The following GLIPR1 variants were observed in gnomAD, a reference collection of about 807,000 sequenced individuals.
GLIPR1 encodes GLI pathogenesis related 1.
Under a neutral mutation model 30.3 loss-of-function variants are expected in GLIPR1, and 38 were observed. The ratio of observed to expected loss-of-function variants is 1.26; its 90% CI spans 0.97 to 1.65. GLIPR1 has a LOEUF of 1.65. Among genes scored for constraint, GLIPR1 ranks in the 40% most tolerant of loss-of-function variants. The probability of loss-of-function intolerance (pLI) is 0.00; values close to 1 mark genes in which losing one functional copy is unlikely to be tolerated. For missense variants in GLIPR1, 285 were observed against 326.5 expected, an observed-to-expected ratio of 0.87 and a Z score of 0.98; for synonymous variants, 122 against 110.6, an observed-to-expected ratio of 1.10 and a Z score of -0.65.
rs2046394211 is a variant in GLIPR1, at chr12:75,501,561, A to T, written c.*2583A>T. On this transcript the variant is annotated 3_prime_UTR_variant, in exon 6 of 6. Transcript: ENST00000266659. The stretch of plus-strand genomic sequence containing the variant: ...AATAGGCATTAGCTGCCTCTAAATT[A>T]TAAATTATCTCAGCCATCCCTTGTC... 1 of 587,632 alleles carries T rather than the reference A, an allele frequency of 1.7e-6. No homozygotes were observed. Among genetic ancestry groups the T allele is most frequent in the South Asian group, 2.3e-5 (1 of 43,908 alleles). 36.4% of individuals were successfully genotyped at this position (587,632 alleles called of 1,614,324 possible). A position where few individuals can be genotyped will look rare whatever the true frequency, so the allele number is the denominator to read the frequency against.
chr12:75,498,666 T>C lies in GLIPR1; in HGVS notation c.620-28T>C, dbSNP rs765304088. 6.9e-6 allele frequency: 11 copies of C among 1,596,896 alleles called. No homozygotes were observed. The African/African-American group carries it at 1.5e-4, about 21-fold the overall frequency. ...TCAACTGTGTCTACCCTTTTAATTTTTTTTCTTTCTTCCCCCTAACTTTAC... is the reference window on the plus strand; with the variant it reads ...TCAACTGTGTCTACCCTTTTAATTTCTTTTCTTTCTTCCCCCTAACTTTAC... On this transcript the variant is annotated intron_variant, in intron 4 of 5. Transcript: ENST00000266659.
chr12:75,487,420 A>AGGAT (rs1331825564), intron 2 of GLIPR1, among the ~76,000 whole-genome samples: 1 of 152,264 alleles, frequency 6.6e-6, no homozygotes, highest in Non-Finnish European at 1.5e-5. Context: ...AACAACCCTT[A>AGGAT]TAAAACTGGG....
At chr12:75,482,908 G>A (rs1346948050) in intron 2 of GLIPR1, among the ~76,000 whole-genome samples, 4 of 151,854 alleles carry the variant, frequency 2.6e-5, no homozygotes, top group Non-Finnish European at 4.4e-5. Flanking sequence ...AATAACGTAC[G>A]GTACTTAACC....
chr12:75,486,316 T>TA (rs57214608), intron 2 of GLIPR1, among the ~76,000 whole-genome samples: 183 of 149,468 alleles, frequency 1.2e-3, no homozygotes, highest in Middle Eastern at 3.5e-3. Context: ...ACCTGCCTGA[T>TA]AAAAAAAAAA....
chr12:75,498,939 G>T lies in GLIPR1; in HGVS notation c.762G>T (p.Leu254Phe), dbSNP rs143283114. The T allele has an allele frequency of 1.9e-6, 3 of 1,608,364 alleles. No individual in the cohort carries two copies. Among genetic ancestry groups the T allele is most frequent in the Non-Finnish European group, 1.7e-6 (2 of 1,176,900 alleles). The change falls in exon 6 of 6, where the codon TTG becomes TTT. Residue 254 changes from leucine to phenylalanine, a missense_variant. By Grantham distance (22) the Leu-to-Phe change is conservative (BLOSUM62 0). Transcript: ENST00000266659. ...ILILSVIITI[L>F]VQHKYPNLVL... ...TACTGTCTGTTATAATTACCATTTT[G>T]GTACAGCACAAGTACCCTAATTTAG...
At position 75,499,786 on chromosome 12, in the gene GLIPR1, C is replaced by A; in HGVS notation, c.*808C>A. ...AAATCCTTTACAAAAGGAGATAGTTCTAGTCAAGGAGTTTTGGGTATGTTA... is the reference window on the plus strand; with the variant it reads ...AAATCCTTTACAAAAGGAGATAGTTATAGTCAAGGAGTTTTGGGTATGTTA... On this transcript the variant is annotated 3_prime_UTR_variant, in exon 6 of 6. Transcript: ENST00000266659. The A allele has an allele frequency of 6.4e-7, 1 of 1,563,246 alleles. No individual in the cohort carries two copies. The highest frequency in any genetic ancestry group is 1.2e-5 in the South Asian group (1 of 84,182).
intron 4 of GLIPR1, 160 bp downstream of exon 4, chr12:75,495,822 T>C: frequency 2.2e-6 from 1 of 450,174 alleles, no homozygotes; most frequent in South Asian, 5.4e-5. Flanking sequence ...AGGAATACAT[T>C]TAAGAGAAAT....
chr12:75,499,608 T>A lies in GLIPR1; in HGVS notation c.*630T>A, dbSNP rs1056905. The A allele has an allele frequency of 0.91, 300,106 of 330,988 alleles. 136,361 individuals are homozygous for A. Among genetic ancestry groups the A allele is most frequent in the East Asian group, 1 (17,661 of 17,690 alleles). 20.5% of individuals were successfully genotyped at this position (330,988 alleles called of 1,614,324 possible). ...CAATGGTCGTAATGTATACAAAGAC[T>A]TATATACCACTTTCTCGTATAAATT... On this transcript the variant is annotated 3_prime_UTR_variant, in exon 6 of 6. Coordinates refer to ENST00000266659, the MANE Select transcript of GLIPR1 (RefSeq NM_006851.3).
chr12:75,494,678 G>C (rs1481541737), intron 3 of GLIPR1: 1 of 152,134 alleles, frequency 6.6e-6, no homozygotes, highest in Non-Finnish European at 1.5e-5. Flanking sequence ...ACACAAAAAA[G>C]TTTAGAACTT....
At position 75,503,248 on chromosome 12, in the gene GLIPR1, G is replaced by A. The variant is rs1438595100; in HGVS notation, c.*4270G>A. The A allele has an allele frequency of 6.6e-6, 1 of 152,150 alleles. No individual in the cohort carries two copies. The highest frequency in any genetic ancestry group is 1.5e-5 in the Non-Finnish European group (1 of 67,944). The allele number at this position is 152,150 out of a possible 1,614,324, so 9.4% of individuals were successfully genotyped here. A position where few individuals can be genotyped will look rare whatever the true frequency, so the allele number is the denominator to read the frequency against. On this transcript the variant is annotated 3_prime_UTR_variant, in exon 6 of 6. Transcript: ENST00000266659. ...ATGCAATGTCATATGCTAAACATGGGAGGGCACTGAGAGAATTAAGAGGAA... is the reference window on the plus strand; with the variant it reads ...ATGCAATGTCATATGCTAAACATGGAAGGGCACTGAGAGAATTAAGAGGAA...
intron 2 of GLIPR1, among the ~76,000 whole-genome samples, chr12:75,482,702 C>T (rs2046276804): frequency 6.7e-6 from 1 of 149,700 alleles, no homozygotes; most frequent in African/African-American, 2.5e-5. Context: ...ACATTCAGAG[C>T]CACCCATTGA....
chr12:75,498,592 G>GC (rs1204913696), intron 4 of GLIPR1, 102 bp from the exon 5 acceptor site: 1 of 889,704 alleles, frequency 1.1e-6, no homozygotes, highest in Non-Finnish European at 1.8e-6. Flanking sequence ...TAAAGCCAAA[G>GC]CAAGTTAATG....
chr12:75,499,761 AAATCCTTTACAAAAGGAGAT>A lies in GLIPR1; in HGVS notation c.*785_*804del. On this transcript the variant is annotated 3_prime_UTR_variant, in exon 6 of 6. Transcript: ENST00000266659. ...AAGGCAACTAATGCCTGATATCTCA[AAATCCTTTACAAAAGGAGAT>A]AGTTCTAGTCAAGGAGTTTTGGGTA... 6.8e-7 allele frequency: 1 copy of A among 1,476,664 alleles called. No homozygotes were observed. Among genetic ancestry groups the A allele is most frequent in the Non-Finnish European group, 9.1e-7 (1 of 1,103,660 alleles). 91.5% of individuals were successfully genotyped at this position (1,476,664 alleles called of 1,614,324 possible).
intron 3 of GLIPR1, chr12:75,493,413 T>A (rs1480422328): frequency 6.6e-6 from 1 of 152,098 alleles, no homozygotes; most frequent in African/African-American, 2.4e-5. Flanking sequence ...CAGAATGGGG[T>A]CTGGGATGCT....
In GLIPR1 at chr12:75,502,208, A is replaced by C; in HGVS notation, c.*3230A>C. 1 of 493,814 alleles carries C rather than the reference A, an allele frequency of 2.0e-6. No homozygotes were observed. Among genetic ancestry groups the C allele is most frequent in the South Asian group, 2.9e-5 (1 of 34,946 alleles). 30.6% of individuals were successfully genotyped at this position (493,814 alleles called of 1,614,324 possible). On this transcript the variant is annotated 3_prime_UTR_variant, in exon 6 of 6. Coordinates refer to ENST00000266659, the MANE Select transcript of GLIPR1 (RefSeq NM_006851.3). ...GTAGGAAAGCACCTCCATGGAATAC[A>C]ACCCAGAGTAGTTCAGGGATATGGC...
Position 75,490,392 on chromosome 12 carries a change from T to G in GLIPR1, c.421-14T>G. On this transcript the variant is annotated splice_polypyrimidine_tract_variant and intron_variant, in intron 2 of 5. Coordinates refer to ENST00000266659, the MANE Select transcript of GLIPR1 (RefSeq NM_006851.3). ...TATGGTTTTTCTCTGTTAAAAATCC[T>G]TATTTCCTTTCAGGTTGTTTGGGCA... The G allele has an allele frequency of 2.1e-6, 3 of 1,436,168 alleles. No individual in the cohort carries two copies. The highest frequency in any genetic ancestry group is 2.9e-6 in the Non-Finnish European group (3 of 1,019,766). The allele number at this position is 1,436,168 out of a possible 1,614,324, so 89.0% of individuals were successfully genotyped here.
chr12:75,501,232 C>T lies in GLIPR1; in HGVS notation c.*2254C>T, dbSNP rs2046391588. On this transcript the variant is annotated 3_prime_UTR_variant, in exon 6 of 6. Coordinates refer to ENST00000266659, the MANE Select transcript of GLIPR1 (RefSeq NM_006851.3). ...GAAAGTGATTTCTGCCATTTAAAAA[C>T]CACAATCACTTTCGCACTAATAGCT... 1 of 152,764 alleles carries T rather than the reference C, an allele frequency of 6.5e-6. No individual in the cohort carries two copies. Among genetic ancestry groups the T allele is most frequent in the Admixed American group, 6.5e-5 (1 of 15,356 alleles). The allele number at this position is 152,764 out of a possible 1,614,324, so 9.5% of individuals were successfully genotyped here. A position where few individuals can be genotyped will look rare whatever the true frequency, so the allele number is the denominator to read the frequency against.
chr12:75,499,866 A>G lies in GLIPR1; in HGVS notation c.*888A>G. ...CCTCCATCTTAAGTGCAATTTCTTCAGCTGTAAGAGCTCCCAGTTTCTTAT... is the reference window on the plus strand; with the variant it reads ...CCTCCATCTTAAGTGCAATTTCTTCGGCTGTAAGAGCTCCCAGTTTCTTAT... On this transcript the variant is annotated 3_prime_UTR_variant, in exon 6 of 6. Transcript: ENST00000266659. The G allele has an allele frequency of 1.2e-6, 2 of 1,607,904 alleles. No individual in the cohort carries two copies. Among genetic ancestry groups the G allele is most frequent in the Non-Finnish European group, 1.7e-6 (2 of 1,177,334 alleles).
chr12:75,501,701 T>G lies in GLIPR1; in HGVS notation c.*2723T>G. On this transcript the variant is annotated 3_prime_UTR_variant, in exon 6 of 6. Transcript: ENST00000266659. ...TTACTTTTCCTAATTAATAAAGACT[T>G]TTACATCATAGAAAGCATTACCTTC... 1 of 1,493,138 alleles carries G rather than the reference T, an allele frequency of 6.7e-7. No homozygotes were observed. Among genetic ancestry groups the G allele is most frequent in the Non-Finnish European group, 9.3e-7 (1 of 1,078,898 alleles). The allele number at this position is 1,493,138 out of a possible 1,614,324, so 92.5% of individuals were successfully genotyped here. A position where few individuals can be genotyped will look rare whatever the true frequency, so the allele number is the denominator to read the frequency against.
Sources: gnomAD v4.1 joint callset for allele counts (sites outside exome capture counted in the v4.1 genomes callset) on GRCh38, gnomAD v4.1.1 for gene constraint, MANE v1.5 for transcripts, NCBI Gene and HGNC (gene_info 2026-07-23, HGNC 2026-07-21) for gene names.